The following ATOX1 variants were observed in gnomAD, a reference collection of about 807,000 sequenced individuals.
ATOX1 encodes the protein antioxidant 1 copper chaperone.
ATOX1 carries 4 observed loss-of-function variants against 7.3 expected under a neutral mutation model. The observed-to-expected ratio is 0.55, with a 90% CI of 0.27 to 1.25. The LOEUF (loss-of-function observed/expected upper bound fraction) is 1.25. Among genes scored for constraint, ATOX1 ranks in the 50% most tolerant of loss-of-function variants. ATOX1 has a pLI of 0.12. For synonymous variants in ATOX1, 25 were observed against 28.7 expected, an observed-to-expected ratio of 0.87 and a Z score of 0.41; for missense variants, 68 against 81.6, an observed-to-expected ratio of 0.83 and a Z score of 0.64.
intron 1 of ATOX1, among the ~76,000 whole-genome samples, chr5:151,756,840 A>G (rs752869313): frequency 2.6e-5 from 4 of 152,210 alleles, no homozygotes; most frequent in Non-Finnish European, 5.9e-5. Context: ...CTTGGGGACT[A>G]GATATATCAG....
intron 1 of ATOX1, chr5:151,754,011 T>TA (rs1314877476): frequency 2.0e-5 from 3 of 152,226 alleles, no homozygotes; most frequent in African/African-American, 4.8e-5. Flanking sequence ...AAATCTGTCT[T>TA]AAAGAAAATG....
At chr5:151,750,985 G>C (rs1020757542) in intron 2 of ATOX1, among the ~76,000 whole-genome samples, 1 of 151,834 alleles carries the variant, frequency 6.6e-6, no homozygotes, top group African/African-American at 2.4e-5. Context: ...GGCTGCGTAG[G>C]GTGGCTCGCG....
In ATOX1 at chr5:151,758,604, T is replaced by G; in HGVS notation, c.-53A>C. On this transcript the variant is annotated 5_prime_UTR_variant, in exon 1 of 4. Transcript: ENST00000313115. Reference sequence around the variant, plus strand: ...GTGTGGCGGCGGTGTCAGCAGCGCCTCTCTGGATTCGGAGGGCGGGTTCGG... The same window carrying G: ...GTGTGGCGGCGGTGTCAGCAGCGCCGCTCTGGATTCGGAGGGCGGGTTCGG... 1 of 1,379,212 alleles carries G rather than the reference T, an allele frequency of 7.3e-7. No homozygotes were observed. The highest frequency in any genetic ancestry group is 1.7e-5 in the South Asian group (1 of 58,274). The allele number at this position is 1,379,212 out of a possible 1,614,324, so 85.4% of individuals were successfully genotyped here.
At chr5:151,756,699 C>T (rs1260511137) in intron 1 of ATOX1, among the ~76,000 whole-genome samples, 3 of 152,124 alleles carry the variant, frequency 2.0e-5, no homozygotes, top group East Asian at 1.9e-4. Flanking sequence ...GTCTCAAGCT[C>T]CTGCATTAAA....
intron 1 of ATOX1, among the ~76,000 whole-genome samples, chr5:151,757,862 G>A (rs1211610508): frequency 6.6e-6 from 1 of 152,088 alleles, no homozygotes; most frequent in East Asian, 1.9e-4. Context: ...TATAAAAAAC[G>A]AGGCCACGAG....
At chr5:151,752,547 G>A in intron 1 of ATOX1, 1 of 575,298 alleles carries the variant, frequency 1.7e-6, no homozygotes, top group South Asian at 2.2e-5. Flanking sequence ...ACTTGGAACA[G>A]TGCCTGGACA....
At chr5:151,747,139 C>A (rs1761887983) in intron 2 of ATOX1, among the ~76,000 whole-genome samples, 4 of 151,486 alleles carry the variant, frequency 2.6e-5, no homozygotes, top group Admixed American at 2.6e-4. Flanking sequence ...CCCTACTGAT[C>A]CTGCCCCTAG....
Position 151,751,782 on chromosome 5 carries a change from G to T in ATOX1, c.7-3C>A. Reference sequence around the variant, plus strand: ...ATGTCCACAGAGAACTCGTGCTTCTGAAACAAACACAGGGGGACCATGACC... The same window carrying T: ...ATGTCCACAGAGAACTCGTGCTTCTTAAACAAACACAGGGGGACCATGACC... On this transcript the variant is annotated splice_polypyrimidine_tract_variant and splice_region_variant and intron_variant, in intron 1 of 3. Transcript: ENST00000313115. 1 of 1,604,440 alleles carries T rather than the reference G, an allele frequency of 6.2e-7. No homozygotes were observed. Among genetic ancestry groups the T allele is most frequent in the East Asian group, 2.2e-5 (1 of 44,524 alleles).
At chr5:151,753,590 G>A (rs1761977728) in intron 1 of ATOX1, among the ~76,000 whole-genome samples, 1 of 152,136 alleles carries the variant, frequency 6.6e-6, no homozygotes. Context: ...AAAACCACAG[G>A]CAAAATCTCT....
chr5:151,746,297 C>T lies in ATOX1; in HGVS notation c.*28G>A. 6.2e-7 allele frequency: 1 copy of T among 1,611,482 alleles called. No homozygotes were observed. The highest frequency in any genetic ancestry group is 8.5e-7 in the Non-Finnish European group (1 of 1,179,008). On this transcript the variant is annotated 3_prime_UTR_variant, in exon 3 of 4. Coordinates refer to ENST00000313115, the MANE Select transcript of ATOX1 (RefSeq NM_004045.4). ...TACCCACCTGCCCCCTTTGGTCCAT[C>T]CTGTGGGCTGTGGGGACCAGGCCCC...
chr5:151,755,435 G>A (rs1415396817), intron 1 of ATOX1, among the ~76,000 whole-genome samples: 2 of 152,156 alleles, frequency 1.3e-5, no homozygotes, highest in Non-Finnish European at 2.9e-5. Context: ...TATGAACCTA[G>A]GCTTTCTTCG....
rs191877293 is a variant in ATOX1, at chr5:151,744,552, G to T, written c.*47-1593C>A. ...ATTACTTTTTTAGTTAAAAAAGTTCGTATGCCCAGGCCTGGAGTTTCTAAT... is the reference window on the plus strand; with the variant it reads ...ATTACTTTTTTAGTTAAAAAAGTTCTTATGCCCAGGCCTGGAGTTTCTAAT... On this transcript the variant is annotated intron_variant, in intron 3 of 3. Transcript: ENST00000313115. The T allele has an allele frequency of 8.5e-5, 13 of 152,188 alleles. No individual in the cohort carries two copies. The East Asian group carries it at 2.5e-3, about 29-fold the overall frequency. The allele number at this position is 152,188 out of a possible 1,614,324, so 9.4% of individuals were successfully genotyped here.
At chr5:151,748,890 T>C (rs937484378) in intron 2 of ATOX1, among the ~76,000 whole-genome samples, 2 of 150,696 alleles carry the variant, frequency 1.3e-5, no homozygotes, top group African/African-American at 4.9e-5. Flanking sequence ...ACAAAACATA[T>C]GGTTTCCCAG....
chr5:151,755,641 T>C (rs1165530964), intron 1 of ATOX1, among the ~76,000 whole-genome samples: 3 of 152,124 alleles, frequency 2.0e-5, no homozygotes, highest in Non-Finnish European at 4.4e-5. Flanking sequence ...TCCCCCACAG[T>C]ATAAAGGTCA....
At chr5:151,749,661 C>CAAA (rs781536166) in intron 2 of ATOX1, among the ~76,000 whole-genome samples, 1 of 54,448 alleles carries the variant, frequency 1.8e-5, no homozygotes, top group African/African-American at 6.8e-5. Context: ...ACTCCATCTC[C>CAAA]AAAAAAAAAA....
chr5:151,746,885 C>T (rs933782618), intron 2 of ATOX1, among the ~76,000 whole-genome samples: 1 of 152,008 alleles, frequency 6.6e-6, no homozygotes, highest in Non-Finnish European at 1.5e-5. Context: ...AGGCGTATGC[C>T]ACCACACCTG....
intron 2 of ATOX1, among the ~76,000 whole-genome samples, chr5:151,749,002 G>A (rs1258985463): frequency 6.6e-6 from 1 of 152,168 alleles, no homozygotes; most frequent in Non-Finnish European, 1.5e-5. Flanking sequence ...GGAGGCTGAG[G>A]TGGGAGGATG....
chr5:151,750,783 G>A (rs375093500), intron 2 of ATOX1, among the ~76,000 whole-genome samples: 1 of 150,912 alleles, frequency 6.6e-6, no homozygotes, highest in African/African-American at 2.4e-5. Context: ...AATTAGCTGT[G>A]AGTACAGGCA....
intron 3 of ATOX1, chr5:151,743,406 C>A (rs1761844374): frequency 6.6e-6 from 1 of 152,194 alleles, no homozygotes. Context: ...GGTTCCCAAG[C>A]CTGGCTTCAA....
Sources: allele counts gnomAD v4.1 joint callset (sites outside exome capture counted in the v4.1 genomes callset), GRCh38; gene constraint gnomAD v4.1.1; transcripts MANE v1.5; gene names NCBI Gene and HGNC (gene_info 2026-07-23, HGNC 2026-07-21).